CAPZB: variants seen among roughly 807,000 people sequenced by gnomAD.
CAPZB encodes F-actin-capping protein subunit beta.
A neutral mutation model predicts 38.1 loss-of-function variants in CAPZB; 2 were observed. That is an observed-to-expected ratio of 0.05 (90% CI 0.02 to 0.17). CAPZB has a LOEUF of 0.17. CAPZB is among the 10% of genes least tolerant of loss of function. CAPZB has a pLI of 1.00. For synonymous variants in CAPZB, 107 were observed against 127.4 expected (o/e 0.84, Z 1.08); for missense variants, 161 against 334.2 (o/e 0.48, Z 4.04).
chr1:19,405,373 T>C (rs151024449), intron 2 of CAPZB, among the ~76,000 whole-genome samples: 1 of 152,184 alleles, frequency 6.6e-6, no homozygotes, highest in East Asian at 1.9e-4. Context: ...TTCAGTGCGT[T>C]AGATAAAACG....
intron 1 of CAPZB, among the ~76,000 whole-genome samples, chr1:19,478,575 C>T (rs1169658669): frequency 1.3e-5 from 2 of 152,180 alleles, no homozygotes; most frequent in Admixed American, 6.5e-5. Flanking sequence ...GGAGGAAGCA[C>T]GGAAAAACGC....
chr1:19,462,285 T>C (rs572728147), intron 1 of CAPZB, among the ~76,000 whole-genome samples: 20 of 117,702 alleles, frequency 1.7e-4, no homozygotes, highest in African/African-American at 5.3e-4. Flanking sequence ...ACCCCGTCTC[T>C]ACTAAAAATA....
chr1:19,485,008 T>A (rs1166998020), intron 1 of CAPZB, among the ~76,000 whole-genome samples: 2 of 147,894 alleles, frequency 1.4e-5, no homozygotes, highest in Non-Finnish European at 3.0e-5. Context: ...GCCTGGGCCA[T>A]GGCAGGGAGA....
intron 6 of CAPZB, among the ~76,000 whole-genome samples, chr1:19,350,198 C>T (rs1020574744): frequency 6.6e-6 from 1 of 152,276 alleles, no homozygotes; most frequent in African/African-American, 2.4e-5. Flanking sequence ...ACCCGCAGGG[C>T]GTGGCCCTAA....
chr1:19,366,305 T>TATATATATATATATATATATATATATAA (rs1396564571), intron 4 of CAPZB, among the ~76,000 whole-genome samples: 5 of 97,600 alleles, frequency 5.1e-5, no homozygotes, highest in African/African-American at 2.3e-4. Context: ...TATATATATA[T>TATATATATATATATATATATATATATAA]ATATAAATAA....
intron 3 of CAPZB, among the ~76,000 whole-genome samples, chr1:19,381,561 G>A (rs1305577302): frequency 6.6e-6 from 1 of 152,070 alleles, no homozygotes; most frequent in African/African-American, 2.4e-5. Flanking sequence ...TGCTGGTCAC[G>A]GGCATGGCGC....
chr1:19,445,185 T>C (rs2094492146), intron 1 of CAPZB, among the ~76,000 whole-genome samples: 1 of 152,152 alleles, frequency 6.6e-6, no homozygotes, highest in Admixed American at 6.5e-5. Context: ...CACTGTACGA[T>C]CACTAACAGG....
intron 4 of CAPZB, among the ~76,000 whole-genome samples, chr1:19,375,437 A>G (rs2094140000): frequency 6.6e-6 from 1 of 152,070 alleles, no homozygotes. Flanking sequence ...TGCACATGCA[A>G]GGTAAGGAAG....
chr1:19,408,672 C>A (rs1320003174), intron 2 of CAPZB, among the ~76,000 whole-genome samples: 1 of 152,218 alleles, frequency 6.6e-6, no homozygotes, highest in Non-Finnish European at 1.5e-5. Context: ...TAGTTCTAGG[C>A]AACAGACCTC....
chr1:19,424,218 T>TAGAAGAGC (rs2094413434), intron 1 of CAPZB, among the ~76,000 whole-genome samples: 2 of 151,670 alleles, frequency 1.3e-5, no homozygotes, highest in Admixed American at 1.3e-4. Context: ...TTAAGAAGAG[T>TAGAAGAGC]AGAAGAGCAG....
chr1:19,418,791 G>T (rs889473210), intron 2 of CAPZB, among the ~76,000 whole-genome samples: 1 of 152,142 alleles, frequency 6.6e-6, no homozygotes, highest in African/African-American at 2.4e-5. Flanking sequence ...GCATACAATG[G>T]AATTAAATAA....
At chr1:19,444,533 A>G (rs1211271635) in intron 1 of CAPZB, among the ~76,000 whole-genome samples, 2 of 152,196 alleles carry the variant, frequency 1.3e-5, no homozygotes, top group Non-Finnish European at 2.9e-5. Context: ...GATTATAAAC[A>G]TAACTGCACA....
At chr1:19,352,887 C>T (rs569089054) in intron 6 of CAPZB, among the ~76,000 whole-genome samples, 15 of 152,376 alleles carry the variant, frequency 9.8e-5, no homozygotes, top group African/African-American at 2.6e-4. Flanking sequence ...TGGCAGGCCA[C>T]GTGCCCAGGA....
chr1:19,447,454 C>CA (rs2094500510), intron 1 of CAPZB, among the ~76,000 whole-genome samples: 1 of 147,228 alleles, frequency 6.8e-6, no homozygotes, highest in Non-Finnish European at 1.5e-5. Flanking sequence ...AGGCTGGTCT[C>CA]AAACTCCTGA....
At chr1:19,343,461 C>T (rs985397698) in intron 8 of CAPZB, among the ~76,000 whole-genome samples, 2 of 152,200 alleles carry the variant, frequency 1.3e-5, no homozygotes, top group Non-Finnish European at 2.9e-5. Flanking sequence ...TAGCACAGCC[C>T]GACTCACACG....
chr1:19,430,069 C>A (rs543193441), intron 1 of CAPZB, among the ~76,000 whole-genome samples: 4 of 152,294 alleles, frequency 2.6e-5, no homozygotes, highest in South Asian at 4.1e-4. Flanking sequence ...AGAAATATTT[C>A]CACCATCTCA....
intron 3 of CAPZB, among the ~76,000 whole-genome samples, chr1:19,380,302 C>G (rs1464936917): frequency 6.6e-6 from 1 of 152,220 alleles, no homozygotes; most frequent in Non-Finnish European, 1.5e-5. Flanking sequence ...CTTGGAAATC[C>G]TTGTTTCCAA....
intron 6 of CAPZB, among the ~76,000 whole-genome samples, chr1:19,353,943 C>T (rs1569916320): frequency 1.3e-5 from 2 of 152,232 alleles, no homozygotes; most frequent in East Asian, 1.9e-4. Context: ...CTGCTCATGC[C>T]GGCTGCTGAG....
chr1:19,379,259 C>T (rs756323656), intron 3 of CAPZB, among the ~76,000 whole-genome samples: 23 of 152,108 alleles, frequency 1.5e-4, no homozygotes, highest in Admixed American at 3.9e-4. Flanking sequence ...CCACCAGGCC[C>T]AGCTAATTTT....
Sources: gnomAD v4.1 joint callset for allele counts (sites outside exome capture counted in the v4.1 genomes callset) on GRCh38, gnomAD v4.1.1 for gene constraint, MANE v1.5 for transcripts, NCBI Gene and HGNC (gene_info 2026-07-23, HGNC 2026-07-21) for gene names.